Variants in ZBTB40 observed in about 807,000 individuals in gnomAD.
The protein encoded by ZBTB40 is zinc finger and BTB domain containing 40, also known as zinc finger and BTB domain-containing protein 40.
Under a neutral mutation model 117.5 loss-of-function variants are expected in ZBTB40, and 60 were observed. The observed-to-expected ratio is 0.51, with a 90% confidence interval of 0.41 to 0.63. ZBTB40 has a LOEUF of 0.63. Ranked by LOEUF, ZBTB40 falls within the 30% of genes least tolerant of loss-of-function variation. The pLI is 0.00. For missense variants in ZBTB40, 1,287 were observed against 1,498.5 expected (o/e 0.86, Z 2.33); for synonymous variants, 525 against 577.1 (o/e 0.91, Z 1.29).
intron 1 of ZBTB40, among the ~76,000 whole-genome samples, chr1:22,429,593 A>G (rs1640549799): frequency 6.6e-6 from 1 of 152,204 alleles, no homozygotes; most frequent in South Asian, 2.1e-4. Context: ...TGATGCCACT[A>G]TTATATACCG....
chr1:22,452,875 GT>G (rs1640915918), intron 1 of ZBTB40: 1 of 152,324 alleles, frequency 6.6e-6, no homozygotes, highest in African/African-American at 2.4e-5. Context: ...CATGCAGCCA[GT>G]GCTGCAATGA....
chr1:22,507,961 T>C, intron 6 of ZBTB40, 40 bp from the exon 7 acceptor site: 2 of 1,614,090 alleles, frequency 1.2e-6, no homozygotes, highest in South Asian at 1.1e-5. Flanking sequence ...TAGGAGGTTT[T>C]GTTGCATCAA....
Position 22,513,131 on chromosome 1 carries a change from G to T in ZBTB40, c.2668+1G>T. 1 of 1,613,480 alleles carries T rather than the reference G, an allele frequency of 6.2e-7. No individual in the cohort carries two copies. Among genetic ancestry groups the T allele is most frequent in the Non-Finnish European group, 8.5e-7 (1 of 1,179,788 alleles). On this transcript the variant is annotated splice_donor_variant, in intron 12 of 17. Coordinates refer to ENST00000375647, the MANE Select transcript of ZBTB40 (RefSeq NM_014870.4). LOFTEE classifies it high-confidence loss of function. The surrounding 1 kb of genome is among the most constrained non-coding windows in gnomAD (Gnocchi z 4.9). ...CACACCAAGAAGAAGCACTCAGAAG[G>T]TAAGGCGGGGCACAGTTCATTTCTC...
intron 1 of ZBTB40, among the ~76,000 whole-genome samples, chr1:22,473,455 T>C (rs1641461920): frequency 6.6e-6 from 1 of 152,210 alleles, no homozygotes; most frequent in East Asian, 1.9e-4. Flanking sequence ...GGCTTGTTAG[T>C]ATTAAAGGAG....
In ZBTB40 at chr1:22,501,698, C is replaced by CTA; in HGVS notation, c.1024+16_1024+17dup. On this transcript the variant is annotated intron_variant, in intron 4 of 17. Transcript: ENST00000375647. ...TGCAGCCAAAAGGTAGGAGAAGATC[C>CTA]TATGCATTGGAATGGCAGGGTTTTA... 1 of 1,612,402 alleles carries CTA rather than the reference C, an allele frequency of 6.2e-7. No individual in the cohort carries two copies. Among genetic ancestry groups the CTA allele is most frequent in the African/African-American group, 1.3e-5 (1 of 74,998 alleles).
chr1:22,445,718 G>A (rs1640780560), intron 1 of ZBTB40, among the ~76,000 whole-genome samples: 1 of 152,074 alleles, frequency 6.6e-6, no homozygotes, highest in Admixed American at 6.6e-5. Context: ...AGCTGGGCAT[G>A]GTGGTGCACA....
chr1:22,506,930 T>C (rs1639090562), intron 6 of ZBTB40, among the ~76,000 whole-genome samples: 1 of 152,214 alleles, frequency 6.6e-6, no homozygotes, highest in Non-Finnish European at 1.5e-5. Context: ...TTTTATAATA[T>C]TGAGATACTT....
intron 1 of ZBTB40, among the ~76,000 whole-genome samples, chr1:22,440,829 A>T (rs950421915): frequency 1.3e-5 from 2 of 152,124 alleles, no homozygotes; most frequent in Non-Finnish European, 2.9e-5. Flanking sequence ...AGTAAATCTC[A>T]CTTGGTCATT....
At chr1:22,453,574 T>C (rs1482453451) in intron 1 of ZBTB40, among the ~76,000 whole-genome samples, 1 of 152,240 alleles carries the variant, frequency 6.6e-6, no homozygotes, top group Non-Finnish European at 1.5e-5. Flanking sequence ...TGAGTGATTA[T>C]TTTGTGCCAG....
intron 8 of ZBTB40, 91 bp downstream of exon 8, chr1:22,508,822 T>C (rs1639149046): frequency 2.3e-6 from 3 of 1,325,004 alleles, no homozygotes; most frequent in Non-Finnish European, 3.2e-6. Flanking sequence ...TTAACGGTAG[T>C]CACCTACATC....
At chr1:22,517,765 T>C in intron 13 of ZBTB40, 1 of 354,560 alleles carries the variant, frequency 2.8e-6, no homozygotes, top group Non-Finnish European at 5.2e-6. Context: ...CCTCTGTAAC[T>C]GATTGGCTCA....
At chr1:22,473,392 A>G (rs901859489) in intron 1 of ZBTB40, among the ~76,000 whole-genome samples, 2 of 152,186 alleles carry the variant, frequency 1.3e-5, no homozygotes, top group Non-Finnish European at 2.9e-5. Flanking sequence ...TGGGTCTGTT[A>G]CTTAACTTCA....
intron 1 of ZBTB40, among the ~76,000 whole-genome samples, chr1:22,478,063 C>T (rs1641592889): frequency 6.6e-6 from 1 of 152,158 alleles, no homozygotes; most frequent in East Asian, 1.9e-4. Context: ...TCTTAGAACA[C>T]CCTAACTTTA....
intron 1 of ZBTB40, among the ~76,000 whole-genome samples, chr1:22,465,136 G>A (rs534603281): frequency 6.6e-6 from 1 of 152,318 alleles, no homozygotes; most frequent in South Asian, 2.1e-4. Flanking sequence ...CTGTAGGCAG[G>A]CAGGTTGTCT....
intron 1 of ZBTB40, chr1:22,452,605 G>A (rs1445556906): frequency 6.6e-6 from 1 of 152,258 alleles, no homozygotes; most frequent in Non-Finnish European, 1.5e-5. Flanking sequence ...CCGTTGCTTG[G>A]CTTTGATCGG....
At chr1:22,457,615 A>G (rs1641034068) in intron 1 of ZBTB40, among the ~76,000 whole-genome samples, 1 of 152,238 alleles carries the variant, frequency 6.6e-6, no homozygotes, top group South Asian at 2.1e-4. Context: ...GCCAAGAAGG[A>G]TGAGGAAATT....
intron 1 of ZBTB40, among the ~76,000 whole-genome samples, chr1:22,460,230 G>C (rs1365388511): frequency 6.6e-6 from 1 of 152,122 alleles, no homozygotes. Context: ...AATGAAGGTG[G>C]GTGAAAGAGT....
intron 15 of ZBTB40, among the ~76,000 whole-genome samples, 197 bp downstream of exon 15, chr1:22,521,855 A>G (rs895396622): frequency 2.0e-5 from 3 of 152,148 alleles, no homozygotes; most frequent in African/African-American, 7.2e-5. Context: ...CAAACCTGGA[A>G]GCGTAGCGCA....
chr1:22,515,939 A>C (rs1238956855), intron 12 of ZBTB40, among the ~76,000 whole-genome samples: 2 of 152,242 alleles, frequency 1.3e-5, no homozygotes, highest in Non-Finnish European at 2.9e-5. Flanking sequence ...GAAGGCTGTT[A>C]GAGCCGTTCA....
Sources: allele counts gnomAD v4.1 joint callset (sites outside exome capture counted in the v4.1 genomes callset), GRCh38; gene constraint gnomAD v4.1.1; non-coding constraint Gnocchi (gnomAD v3.1); transcripts MANE v1.5; gene names NCBI Gene and HGNC (gene_info 2026-07-23, HGNC 2026-07-21).